TENM2: variants seen among roughly 807,000 people sequenced by gnomAD.
The protein encoded by TENM2 is teneurin-2.
TENM2 carries 52 observed loss-of-function variants against 245.2 expected under a neutral mutation model. That is an observed-to-expected ratio of 0.21 (90% CI 0.17 to 0.27). TENM2 has a LOEUF of 0.27. Ranked by LOEUF, TENM2 falls within the 10% of genes least tolerant of loss-of-function variation. TENM2 has a pLI of 1.00. For synonymous variants in TENM2, 1,363 were observed against 1,438.9 expected (o/e 0.95, Z 1.19); for missense variants, 3,046 against 3,666.8 (o/e 0.83, Z 4.37).
intron 2 of TENM2, among the ~76,000 whole-genome samples, chr5:167,673,698 C>A (rs906185024): frequency 6.6e-6 from 1 of 151,926 alleles, no homozygotes; most frequent in Non-Finnish European, 1.5e-5. Context: ...TTAGAGACCC[C>A]AATTGAATCT....
At chr5:167,319,603 CAGGGAAGTCT>C (rs1756594214) in intron 1 of TENM2, among the ~76,000 whole-genome samples, 1 of 152,096 alleles carries the variant, frequency 6.6e-6, no homozygotes, top group Non-Finnish European at 1.5e-5. Flanking sequence ...AAACAATACT[CAGGGAAGTCT>C]AGGAAGTGAC....
At chr5:167,585,358 C>T (rs1301872384) in intron 2 of TENM2, among the ~76,000 whole-genome samples, 1 of 152,174 alleles carries the variant, frequency 6.6e-6, no homozygotes, top group African/African-American at 2.4e-5. Context: ...GTGATGTTTA[C>T]AAGATTTTGA....
chr5:167,833,020 A>G (rs1768646446), intron 2 of TENM2, among the ~76,000 whole-genome samples: 1 of 152,184 alleles, frequency 6.6e-6, no homozygotes, highest in African/African-American at 2.4e-5. Context: ...AAGAGGGTTT[A>G]GTACAGAACT....
chr5:168,125,383 G>A (rs906332995), intron 11 of TENM2, among the ~76,000 whole-genome samples: 4 of 152,074 alleles, frequency 2.6e-5, no homozygotes, highest in African/African-American at 9.7e-5. Flanking sequence ...AAACTAAATG[G>A]AACATCCCAT....
At chr5:167,835,978 T>A (rs1295468915) in intron 2 of TENM2, among the ~76,000 whole-genome samples, 1 of 152,178 alleles carries the variant, frequency 6.6e-6, no homozygotes, top group African/African-American at 2.4e-5. Context: ...AAAATACACA[T>A]CCACATTGTT....
intron 2 of TENM2, among the ~76,000 whole-genome samples, chr5:167,773,728 A>T (rs1282936040): frequency 6.6e-6 from 1 of 150,536 alleles, no homozygotes; most frequent in Non-Finnish European, 1.5e-5. Flanking sequence ...AGCTGAAAGC[A>T]TTTTTTTTTT....
chr5:168,125,123 G>A, intron 11 of TENM2, 73 bp downstream of exon 13: 7 of 1,305,276 alleles, frequency 5.4e-6, no homozygotes, highest in South Asian at 2.6e-5. Context: ...TCAGATGGAT[G>A]GGAATCTACT....
At chr5:167,087,732 T>G in the TENM2 span, among the ~76,000 whole-genome samples, 1 of 151,908 alleles carries the variant, frequency 6.6e-6, no homozygotes, top group African/African-American at 2.4e-5. Flanking sequence ...CGATTCTGAG[T>G]AGATTTCAAA....
chr5:167,115,249 C>G, the TENM2 span, among the ~76,000 whole-genome samples: 1 of 152,158 alleles, frequency 6.6e-6, no homozygotes, highest in Non-Finnish European at 1.5e-5. Context: ...CTGGGCTGGT[C>G]TCCATGTCTA....
intron 25 of TENM2, among the ~76,000 whole-genome samples, chr5:168,238,437 G>A (rs1246498487): frequency 2.6e-5 from 4 of 152,034 alleles, no homozygotes; most frequent in East Asian, 1.9e-4. Context: ...GGAGACTCTC[G>A]TGACCCCCCT....
At chr5:167,805,054 T>C (rs1430801125) in intron 2 of TENM2, among the ~76,000 whole-genome samples, 2 of 152,130 alleles carry the variant, frequency 1.3e-5, no homozygotes, top group Non-Finnish European at 2.9e-5. Flanking sequence ...ACCAGGCATC[T>C]GTGGTAGAGG....
intron 2 of TENM2, among the ~76,000 whole-genome samples, chr5:167,657,730 C>T (rs1446692131): frequency 6.6e-6 from 1 of 152,212 alleles, no homozygotes; most frequent in Admixed American, 6.5e-5. Context: ...GCTGAGTAAA[C>T]ATAGGCTATA....
the TENM2 span, among the ~76,000 whole-genome samples, chr5:167,138,953 A>C: frequency 6.6e-6 from 1 of 152,178 alleles, no homozygotes; most frequent in Admixed American, 6.5e-5. Flanking sequence ...GTTTCTGGGA[A>C]AGACAGATGA....
chr5:167,993,269 A>T, intron 5 of TENM2, 87 bp downstream of exon 7: 1 of 1,061,678 alleles, frequency 9.4e-7, no homozygotes, highest in South Asian at 1.5e-5. Context: ...AGGCCCTCTG[A>T]TGTCTGTACA....
chr5:167,803,224 G>A (rs1157976063), intron 2 of TENM2, among the ~76,000 whole-genome samples: 3 of 152,126 alleles, frequency 2.0e-5, no homozygotes, highest in African/African-American at 7.2e-5. Context: ...AAACAGAGGG[G>A]TAAAGAATGC....
chr5:167,654,634 A>C (rs1449189541), intron 2 of TENM2, among the ~76,000 whole-genome samples: 1 of 150,944 alleles, frequency 6.6e-6, no homozygotes, highest in African/African-American at 2.4e-5. Flanking sequence ...GTCATCTAGC[A>C]TTATGCAGTG....
the TENM2 span, among the ~76,000 whole-genome samples, chr5:167,005,322 G>C: frequency 1.3e-5 from 2 of 152,134 alleles, no homozygotes; most frequent in South Asian, 4.1e-4. Flanking sequence ...CCACATAGAT[G>C]AATTTCAGTA....
chr5:167,056,968 A>G, the TENM2 span, among the ~76,000 whole-genome samples: 2 of 151,610 alleles, frequency 1.3e-5, no homozygotes, highest in East Asian at 3.9e-4. Context: ...CATCACAAAT[A>G]TGTTACATCT....
chr5:168,049,083 A>G (rs917061763), intron 6 of TENM2, among the ~76,000 whole-genome samples: 2 of 152,180 alleles, frequency 1.3e-5, no homozygotes, highest in Non-Finnish European at 2.9e-5. Flanking sequence ...GTTCTTAGTC[A>G]TAGCATTTTT....
Sources: gnomAD v4.1 joint callset for allele counts (sites outside exome capture counted in the v4.1 genomes callset) on GRCh38, gnomAD v4.1.1 for gene constraint, MANE v1.5 for transcripts, NCBI Gene and HGNC (gene_info 2026-07-23, HGNC 2026-07-21) for gene names.